The following ENOX1 variants were observed in gnomAD, a reference collection of about 807,000 sequenced individuals.
ENOX1 encodes candidate growth-related and time keeping constitutive hydroquinone (NADH) oxidase.
A neutral mutation model predicts 82.5 loss-of-function variants in ENOX1; 42 were observed. The observed-to-expected ratio is 0.51, with a 90% CI of 0.40 to 0.66. The LOEUF is 0.66. Among genes scored for constraint, ENOX1 ranks in the 30% least tolerant of loss-of-function variants. The pLI is 0.00. For synonymous variants in ENOX1, 271 were observed against 282.2 expected (o/e 0.96, Z 0.40); for missense variants, 608 against 811.6 (o/e 0.75, Z 3.05).
At chr13:43,284,525 G>A (rs1057204092) in intron 12 of ENOX1, among the ~76,000 whole-genome samples, 1 of 152,190 alleles carries the variant, frequency 6.6e-6, no homozygotes, top group Non-Finnish European at 1.5e-5. Flanking sequence ...AGATGGTAAT[G>A]GTGGTGGAGG....
intron 2 of ENOX1, among the ~76,000 whole-genome samples, chr13:43,628,183 T>A (rs914987058): frequency 2.6e-5 from 4 of 152,302 alleles, no homozygotes; most frequent in African/African-American, 9.6e-5. Context: ...CTTCAGGTAC[T>A]TTTCCAGCAC....
intron 3 of ENOX1, among the ~76,000 whole-genome samples, chr13:43,437,276 T>G (rs2056088175): frequency 6.6e-6 from 1 of 152,090 alleles, no homozygotes; most frequent in South Asian, 2.1e-4. Context: ...AAAATACGCA[T>G]GGAATTTCAG....
intron 1 of ENOX1, among the ~76,000 whole-genome samples, chr13:43,719,401 C>G (rs1214012942): frequency 2.0e-5 from 3 of 151,612 alleles, no homozygotes; most frequent in African/African-American, 7.3e-5. Context: ...GTGACTCTGT[C>G]TTGCTCTAGC....
chr13:43,226,053 T>C (rs2042009010), intron 15 of ENOX1, among the ~76,000 whole-genome samples: 1 of 152,180 alleles, frequency 6.6e-6, no homozygotes, highest in Non-Finnish European at 1.5e-5. Context: ...TCAGGGAGCA[T>C]TGTGTTGTCC....
chr13:43,425,071 T>C (rs2055209015), intron 3 of ENOX1, among the ~76,000 whole-genome samples: 1 of 152,124 alleles, frequency 6.6e-6, no homozygotes, highest in African/African-American at 2.4e-5. Context: ...CTCCTGAGGC[T>C]AGAGGCAGAT....
intron 11 of ENOX1, among the ~76,000 whole-genome samples, chr13:43,322,149 GA>G (rs1454693337): frequency 6.6e-6 from 1 of 152,156 alleles, no homozygotes; most frequent in Non-Finnish European, 1.5e-5. Context: ...AAATATCCCT[GA>G]AAAAAGCTTA....
intron 3 of ENOX1, among the ~76,000 whole-genome samples, chr13:43,470,283 C>CAT (rs375163688): frequency 2.4e-4 from 15 of 63,316 alleles, no homozygotes; most frequent in Non-Finnish European, 3.7e-4. Flanking sequence ...CATATATATA[C>CAT]ATATATATAT....
At chr13:43,733,439 G>T (rs569220281) in intron 1 of ENOX1, among the ~76,000 whole-genome samples, 1 of 152,198 alleles carries the variant, frequency 6.6e-6, no homozygotes, top group Admixed American at 6.5e-5. Context: ...ATGAATCTTG[G>T]GCTTTACAAA....
At chr13:43,373,443 G>C (rs558625317) in intron 5 of ENOX1, among the ~76,000 whole-genome samples, 4 of 152,248 alleles carry the variant, frequency 2.6e-5, no homozygotes, top group African/African-American at 9.6e-5. Context: ...GGAAGATTAG[G>C]TGTTGTACCC....
chr13:43,286,215 G>A (rs930809751), intron 12 of ENOX1, among the ~76,000 whole-genome samples: 10 of 152,202 alleles, frequency 6.6e-5, no homozygotes, highest in African/African-American at 2.4e-4. Context: ...GTCCATAGCT[G>A]GAGGGAGAAA....
At chr13:43,360,662 T>A (rs1309847182) in intron 6 of ENOX1, among the ~76,000 whole-genome samples, 1 of 148,124 alleles carries the variant, frequency 6.8e-6, no homozygotes, top group African/African-American at 2.5e-5. Flanking sequence ...ACTAAAGCAA[T>A]CTCCTGAAAA....
At chr13:43,462,496 C>CA (rs917731010) in intron 3 of ENOX1, among the ~76,000 whole-genome samples, 23 of 152,012 alleles carry the variant, frequency 1.5e-4, no homozygotes, top group African/African-American at 5.1e-4. Context: ...TTACAGCTGG[C>CA]AAAAAAATCT....
chr13:43,252,395 C>A (rs924756160), intron 14 of ENOX1, among the ~76,000 whole-genome samples: 1 of 152,220 alleles, frequency 6.6e-6, no homozygotes, highest in African/African-American at 2.4e-5. Context: ...CCTCCATATA[C>A]CTGGCAAGGT....
At chr13:43,600,069 G>A (rs9533544) in intron 2 of ENOX1, among the ~76,000 whole-genome samples, 64,607 of 151,790 alleles carry the variant, frequency 0.43, 16,296 homozygotes, top group East Asian at 0.8. Flanking sequence ...GAGACATGCT[G>A]GCTTCAGGTG....
chr13:43,387,606 G>A (rs1270412286), intron 5 of ENOX1, among the ~76,000 whole-genome samples: 2 of 151,928 alleles, frequency 1.3e-5, no homozygotes, highest in Non-Finnish European at 2.9e-5. Flanking sequence ...ATTTAAAAGT[G>A]TTGAAAGGTG....
chr13:43,484,233 G>T lies in ENOX1; in HGVS notation c.-218-81C>A, dbSNP rs574370506. Reference sequence around the variant, plus strand: ...GTAATGGTATTATTATCACTTATATGTGTTATCAGCATGATGTTATTAATT... The same window carrying T: ...GTAATGGTATTATTATCACTTATATTTGTTATCAGCATGATGTTATTAATT... On this transcript the variant is annotated intron_variant, in intron 2 of 16. Coordinates refer to ENST00000690772, the MANE Select transcript of ENOX1 (RefSeq NM_001347969.2). The T allele has an allele frequency of 1.6e-5, 12 of 769,630 alleles. No homozygotes were observed. The East Asian group carries it at 1.5e-3, about 98-fold the overall frequency. The allele number at this position is 769,630 out of a possible 1,614,324, so 47.7% of individuals were successfully genotyped here.
intron 3 of ENOX1, among the ~76,000 whole-genome samples, chr13:43,466,726 A>T (rs2057742304): frequency 6.6e-6 from 1 of 152,140 alleles, no homozygotes; most frequent in African/African-American, 2.4e-5. Context: ...TTGTGTGACC[A>T]TTCTTCTTAT....
intron 12 of ENOX1, among the ~76,000 whole-genome samples, chr13:43,296,396 G>T (rs983275400): frequency 2.0e-5 from 3 of 152,134 alleles, no homozygotes; most frequent in Admixed American, 1.3e-4. Flanking sequence ...AGTCAAGGAA[G>T]GCCAAAGATT....
At chr13:43,403,850 AT>A (rs1320598532) in intron 5 of ENOX1, among the ~76,000 whole-genome samples, 1 of 151,672 alleles carries the variant, frequency 6.6e-6, no homozygotes, top group Admixed American at 6.6e-5. Context: ...AAAAAAAAAA[AT>A]AAATAAATAA....
Sources: gnomAD v4.1 joint callset for allele counts (sites outside exome capture counted in the v4.1 genomes callset) on GRCh38, gnomAD v4.1.1 for gene constraint, MANE v1.5 for transcripts, NCBI Gene and HGNC (gene_info 2026-07-23, HGNC 2026-07-21) for gene names.